Variants in ADAMTS17 observed in about 807,000 individuals in gnomAD.
ADAMTS17 encodes the protein ADAM metallopeptidase with thrombospondin type 1 motif 17, also known as A disintegrin and metalloproteinase with thrombospondin motifs 17.
Under a neutral mutation model 141.5 loss-of-function variants are expected in ADAMTS17, and 113 were observed. The ratio of observed to expected loss-of-function variants is 0.80; its 90% CI spans 0.69 to 0.93. The LOEUF (loss-of-function observed/expected upper bound fraction) is 0.93, where lower values mean the gene tolerates loss of function less well. Ranked by LOEUF, ADAMTS17 falls within the 40% of genes least tolerant of loss-of-function variation. The probability of loss-of-function intolerance (pLI) is 0.00; values close to 1 mark genes in which losing one functional copy is unlikely to be tolerated. For synonymous variants in ADAMTS17, 768 were observed against 630.6 expected, an observed-to-expected ratio of 1.22 and a Z score of -3.27; for missense variants, 1,659 against 1,517.9, an observed-to-expected ratio of 1.09 and a Z score of -1.54.
At chr15:100,027,974 G>A (rs996591222) in intron 18 of ADAMTS17, among the ~76,000 whole-genome samples, 2 of 152,144 alleles carry the variant, frequency 1.3e-5, no homozygotes, top group African/African-American at 4.8e-5. Flanking sequence ...CCCCATGGCA[G>A]TCCCCACTGG....
At chr15:100,009,822 A>C (rs2061123155) in intron 18 of ADAMTS17, among the ~76,000 whole-genome samples, 1 of 152,154 alleles carries the variant, frequency 6.6e-6, no homozygotes, top group Admixed American at 6.5e-5. Context: ...CATGATTTAG[A>C]CATGAGGGAC....
chr15:100,317,839 C>T (rs4965636), intron 3 of ADAMTS17, among the ~76,000 whole-genome samples: 10,508 of 152,236 alleles, frequency 0.069, 864 homozygotes, highest in East Asian at 0.25. Context: ...AGCCACCATT[C>T]CTGGTTTAGT....
intron 10 of ADAMTS17, among the ~76,000 whole-genome samples, chr15:100,137,899 C>G (rs1047931441): frequency 6.6e-6 from 1 of 152,082 alleles, no homozygotes; most frequent in Non-Finnish European, 1.5e-5. Context: ...CAACACCCAC[C>G]CTTTCACTGC....
At chr15:100,257,286 G>T (rs971409386) in intron 6 of ADAMTS17, among the ~76,000 whole-genome samples, 1 of 152,148 alleles carries the variant, frequency 6.6e-6, no homozygotes, top group African/African-American at 2.4e-5. Flanking sequence ...CCCAACCTAG[G>T]GAATTGCAGC....
chr15:100,137,900 C>CT (rs1273752756), intron 10 of ADAMTS17, among the ~76,000 whole-genome samples: 1 of 152,180 alleles, frequency 6.6e-6, no homozygotes, highest in East Asian at 1.9e-4. Flanking sequence ...AACACCCACC[C>CT]TTTCACTGCC....
intron 6 of ADAMTS17, among the ~76,000 whole-genome samples, chr15:100,260,628 C>G (rs1370103195): frequency 7.2e-6 from 1 of 138,558 alleles, no homozygotes; most frequent in South Asian, 2.3e-4. Context: ...AAAAAAAAAA[C>G]CAAAAAACAA....
intron 3 of ADAMTS17, among the ~76,000 whole-genome samples, chr15:100,309,674 C>T (rs760818113): frequency 1.1e-4 from 16 of 152,344 alleles, no homozygotes; most frequent in African/African-American, 1.9e-4. Context: ...CTGGAATCCA[C>T]GTGAAGCCCA....
chr15:100,339,591 TCCCCG>T (rs2046303913), intron 2 of ADAMTS17, among the ~76,000 whole-genome samples: 2 of 132,358 alleles, frequency 1.5e-5, no homozygotes, highest in African/African-American at 6.0e-5. Context: ...AGGTCCACAT[TCCCCG>T]CCCCAGGTCC....
chr15:100,118,809 C>T (rs80224438), intron 12 of ADAMTS17, among the ~76,000 whole-genome samples: 17 of 152,244 alleles, frequency 1.1e-4, no homozygotes, highest in African/African-American at 2.6e-4. Flanking sequence ...GAGCGGGCAC[C>T]GGAGAAGGAA....
chr15:100,007,528 C>G (rs1004424356), intron 18 of ADAMTS17, among the ~76,000 whole-genome samples: 6 of 151,936 alleles, frequency 3.9e-5, no homozygotes, highest in African/African-American at 1.5e-4. Context: ...TCAACCGATT[C>G]TCCTGCCTCA....
intron 4 of ADAMTS17, among the ~76,000 whole-genome samples, chr15:100,277,028 T>A (rs940460621): frequency 3.9e-5 from 6 of 152,090 alleles, no homozygotes; most frequent in Admixed American, 3.9e-4. Flanking sequence ...TGAGCCCCCC[T>A]GTGCAAGGGG....
At chr15:100,254,741 G>C (rs1193994953) in intron 6 of ADAMTS17, among the ~76,000 whole-genome samples, 1 of 152,206 alleles carries the variant, frequency 6.6e-6, no homozygotes, top group Non-Finnish European at 1.5e-5. Flanking sequence ...AACTAATGCA[G>C]AAACAGAAAA....
intron 18 of ADAMTS17, among the ~76,000 whole-genome samples, chr15:100,028,030 C>G (rs1399261399): frequency 6.6e-6 from 1 of 152,174 alleles, no homozygotes; most frequent in Non-Finnish European, 1.5e-5. Flanking sequence ...TGCTGACAAG[C>G]TGTACAGGCA....
intron 7 of ADAMTS17, among the ~76,000 whole-genome samples, chr15:100,229,215 C>T (rs2042401551): frequency 6.6e-6 from 1 of 152,164 alleles, no homozygotes; most frequent in African/African-American, 2.4e-5. Flanking sequence ...AACCCAACAG[C>T]TTGCAAATAG....
intron 7 of ADAMTS17, among the ~76,000 whole-genome samples, chr15:100,244,298 A>G (rs1363691154): frequency 1.3e-5 from 2 of 148,454 alleles, no homozygotes; most frequent in East Asian, 4.3e-4. Context: ...GTGGGGACAC[A>G]GCCAAACCGT....
rs1470928853 is a variant in ADAMTS17 at position 99,976,056 on chromosome 15, G to C, written c.3116C>G (p.Ser1039Cys). 1.9e-6 allele frequency: 3 copies of C among 1,550,938 alleles called. No homozygotes were observed. Among genetic ancestry groups the C allele is most frequent in the Non-Finnish European group, 2.6e-6 (3 of 1,146,522 alleles). The change falls in exon 21 of 22, where the codon TCC becomes TGC. Residue 1039 changes from serine to cysteine, a missense_variant. Coordinates refer to ENST00000268070, the MANE Select transcript of ADAMTS17 (RefSeq NM_139057.4). ...GTGAAGACACTCACCAAGGCGGGGGGAGGTGATGGTGTTGGCGTTGATCCT... is the reference window on the plus strand; with the variant it reads ...GTGAAGACACTCACCAAGGCGGGGGCAGGTGATGGTGTTGGCGTTGATCCT... ...NDRINANTITSPRLAALTYKC... is the reference protein window; with the variant it reads ...NDRINANTITCPRLAALTYKC...
At chr15:100,159,026 G>A (rs1002204209) in intron 8 of ADAMTS17, among the ~76,000 whole-genome samples, 2 of 152,124 alleles carry the variant, frequency 1.3e-5, no homozygotes, top group African/African-American at 2.4e-5. Flanking sequence ...TGGTAAGAAT[G>A]CAAAATGGTA....
In ADAMTS17 at chr15:100,042,993, T is replaced by C. The variant is rs2031386130; in HGVS notation, c.2591+5864A>G. The stretch of plus-strand genomic sequence containing the variant: ...TTACATGTGTGTATGTATATATGTA[T>C]GTGTATGTATGTACGCACGGATCTA... On this transcript the variant is annotated intron_variant, in intron 18 of 21. Coordinates refer to ENST00000268070, the MANE Select transcript of ADAMTS17 (RefSeq NM_139057.4). Among the ~76,000 whole-genome samples, 4 of 152,354 alleles carry C rather than the reference T, an allele frequency of 2.6e-5. No individual in the cohort carries two copies. The South Asian group carries it at 8.3e-4, about 32-fold the overall frequency.
At chr15:100,219,760 T>C (rs1441844524) in intron 7 of ADAMTS17, among the ~76,000 whole-genome samples, 1 of 152,160 alleles carries the variant, frequency 6.6e-6, no homozygotes, top group Non-Finnish European at 1.5e-5. Flanking sequence ...GGCCCCTTCA[T>C]CTGACCTGGG....
Sources: allele counts gnomAD v4.1 joint callset (sites outside exome capture counted in the v4.1 genomes callset), GRCh38; gene constraint gnomAD v4.1.1; transcripts MANE v1.5; gene names NCBI Gene and HGNC (gene_info 2026-07-23, HGNC 2026-07-21).